Variants in PTCHD4 observed in about 807,000 individuals in gnomAD.
PTCHD4 encodes patched domain-containing protein 4.
Under a neutral mutation model 58.1 loss-of-function variants are expected in PTCHD4, and 33 were observed. That is an observed-to-expected ratio of 0.57 (90% CI 0.43 to 0.76). PTCHD4 has a LOEUF of 0.76. Ranked by LOEUF, PTCHD4 falls within the 30% of genes least tolerant of loss-of-function variation. The pLI is 0.00. For synonymous variants in PTCHD4, 478 were observed against 409.6 expected, an observed-to-expected ratio of 1.17 and a Z score of -2.02; for missense variants, 1,058 against 1,027.1, an observed-to-expected ratio of 1.03 and a Z score of -0.41.
chr6:48,073,098 C>G (rs548789532), intron 1 of PTCHD4, among the ~76,000 whole-genome samples: 7 of 152,252 alleles, frequency 4.6e-5, no homozygotes, highest in Admixed American at 1.3e-4. Context: ...ATATCAATCA[C>G]ATGGTAATTA....
intron 4 of PTCHD4, among the ~76,000 whole-genome samples, chr6:47,918,394 A>G (rs1252551736): frequency 6.6e-6 from 1 of 152,178 alleles, no homozygotes; most frequent in Non-Finnish European, 1.5e-5. Flanking sequence ...ACCTGGGGAA[A>G]TACAATGGTG....
At chr6:47,915,345 G>A (rs929535770) in intron 4 of PTCHD4, among the ~76,000 whole-genome samples, 3 of 152,054 alleles carry the variant, frequency 2.0e-5, no homozygotes, top group African/African-American at 7.2e-5. Context: ...CCATTATTGA[G>A]GCATAGTCAG....
rs1012013913 is a variant in PTCHD4, at chr6:48,029,711, A to G, written c.418-20597T>C. Among the ~76,000 whole-genome samples, 7 of 152,094 alleles carry G rather than the reference A, an allele frequency of 4.6e-5. No homozygotes were observed. The East Asian group carries it at 1.2e-3, about 25-fold the overall frequency. On this transcript the variant is annotated intron_variant, in intron 3 of 4. Transcript: ENST00000339488. ...TCTTATTTTTCATGGCAATACAGTTATTTGCATAAGTTCAAACAGAATCTG... is the reference window on the plus strand; with the variant it reads ...TCTTATTTTTCATGGCAATACAGTTGTTTGCATAAGTTCAAACAGAATCTG...
chr6:47,938,572 A>C (rs1202996430), intron 4 of PTCHD4, among the ~76,000 whole-genome samples: 1 of 152,224 alleles, frequency 6.6e-6, no homozygotes, highest in African/African-American at 2.4e-5. Flanking sequence ...ACTGCAACAT[A>C]GTACTAGGCA....
intron 1 of PTCHD4, among the ~76,000 whole-genome samples, chr6:48,095,970 C>T (rs139573149): frequency 2.9e-4 from 44 of 152,192 alleles, no homozygotes; most frequent in Admixed American, 8.5e-4. Context: ...GACAAATTTA[C>T]TTGGACATAT....
chr6:47,971,495 C>T (rs1462607345), intron 4 of PTCHD4, among the ~76,000 whole-genome samples: 2 of 152,112 alleles, frequency 1.3e-5, no homozygotes, highest in African/African-American at 4.8e-5. Flanking sequence ...AAAGAGTTAC[C>T]TATAAAGCCT....
At chr6:48,101,496 T>A (rs1181906862) in intron 1 of PTCHD4, among the ~76,000 whole-genome samples, 4 of 152,162 alleles carry the variant, frequency 2.6e-5, no homozygotes, top group Non-Finnish European at 5.9e-5. Flanking sequence ...ATAACTATAA[T>A]GGGAACAAAC....
chr6:47,881,944 T>C lies in PTCHD4; in HGVS notation c.899-2008A>G, dbSNP rs528584398. Among the ~76,000 whole-genome samples the C allele has an allele frequency of 5.6e-4, 85 of 152,186 alleles. 2 individuals carry two copies. The South Asian group carries it at 0.017, about 30-fold the overall frequency. ...TTAGGAAAAGGCACGTTTTTTTCAT[T>C]TGGAGGTCATGAACTGTTCCTTCTT... On this transcript the variant is annotated intron_variant, in intron 4 of 4. Coordinates refer to ENST00000339488, the MANE Select transcript of PTCHD4 (RefSeq NM_001384253.1).
chr6:47,882,265 A>G (rs933345268), intron 4 of PTCHD4, among the ~76,000 whole-genome samples: 2 of 152,100 alleles, frequency 1.3e-5, no homozygotes, highest in Admixed American at 1.3e-4. Context: ...GATAGTGGTC[A>G]TTTTTATGGA....
intron 3 of PTCHD4, among the ~76,000 whole-genome samples, chr6:48,051,244 G>C (rs772293998): frequency 6.6e-6 from 1 of 151,758 alleles, no homozygotes; most frequent in African/African-American, 2.4e-5. Flanking sequence ...ACCCAAATAG[G>C]CATGAAGTCA....
rs535862948 is a variant in PTCHD4 at position 47,910,781 on chromosome 6, T to A, written c.899-30845A>T. Among the ~76,000 whole-genome samples the A allele has an allele frequency of 2.0e-5, 3 of 152,130 alleles. No individual in the cohort carries two copies. In the East Asian group the frequency reaches 5.8e-4, roughly 29 times the overall value. ...CATATGATTTGAAGATGTTAAGGGG[T>A]TTTGAAAAGCAATAACACCCTCGCT... On this transcript the variant is annotated intron_variant, in intron 4 of 4. Transcript: ENST00000339488.
At chr6:48,105,089 G>A (rs1379781631) in intron 1 of PTCHD4, among the ~76,000 whole-genome samples, 1 of 152,146 alleles carries the variant, frequency 6.6e-6, no homozygotes, top group African/African-American at 2.4e-5. Context: ...ACTCAGCTCT[G>A]CACCAAGCAG....
chr6:47,880,009 T>G, intron 4 of PTCHD4, 73 bp from the exon 5 acceptor site: 3 of 1,201,518 alleles, frequency 2.5e-6, no homozygotes, highest in Non-Finnish European at 3.4e-6. Context: ...CCTTATAGTT[T>G]ATCTATGCTA....
At chr6:47,915,388 C>A (rs1765211931) in intron 4 of PTCHD4, among the ~76,000 whole-genome samples, 1 of 152,008 alleles carries the variant, frequency 6.6e-6, no homozygotes, top group South Asian at 2.1e-4. Context: ...TAAGAAAATT[C>A]TTTATGGAGA....
intron 3 of PTCHD4, among the ~76,000 whole-genome samples, chr6:48,047,535 C>A (rs1290231858): frequency 6.6e-6 from 1 of 151,714 alleles, no homozygotes; most frequent in East Asian, 1.9e-4. Context: ...CTCATGAGAG[C>A]CCCATAATCA....
At chr6:48,087,964 A>C (rs568200274) in intron 1 of PTCHD4, among the ~76,000 whole-genome samples, 3 of 152,342 alleles carry the variant, frequency 2.0e-5, no homozygotes, top group African/African-American at 7.2e-5. Flanking sequence ...CTAACTTATC[A>C]GTAAGAATAT....
At chr6:47,890,875 A>T (rs942801973) in intron 4 of PTCHD4, 2 of 983,916 alleles carry the variant, frequency 2.0e-6, no homozygotes, top group Non-Finnish European at 2.4e-6. Flanking sequence ...GAAGTTTTCA[A>T]TTTTTTTCTC....
chr6:48,105,648 A>C (rs1465255706), intron 1 of PTCHD4, among the ~76,000 whole-genome samples: 1 of 152,198 alleles, frequency 6.6e-6, no homozygotes, highest in Non-Finnish European at 1.5e-5. Context: ...TCAAAAAATC[A>C]ATGAATCCAG....
At chr6:48,093,797 G>C (rs1765411032) in intron 1 of PTCHD4, among the ~76,000 whole-genome samples, 1 of 152,124 alleles carries the variant, frequency 6.6e-6, no homozygotes, top group African/African-American at 2.4e-5. Flanking sequence ...ACTGGTCCAT[G>C]AATAGGGATG....
Sources: allele counts gnomAD v4.1 joint callset (sites outside exome capture counted in the v4.1 genomes callset), GRCh38; gene constraint gnomAD v4.1.1; transcripts MANE v1.5; gene names NCBI Gene and HGNC (gene_info 2026-07-23, HGNC 2026-07-21).